Variants in JMJD1C observed in about 807,000 individuals in gnomAD.
JMJD1C encodes jumonji domain-containing protein 1C.
A neutral mutation model predicts 245.3 loss-of-function variants in JMJD1C; 31 were observed. That is an observed-to-expected ratio of 0.13 (90% confidence interval 0.09 to 0.17). The LOEUF (loss-of-function observed/expected upper bound fraction) is 0.17, where lower values mean the gene tolerates loss of function less well. JMJD1C is among the 10% of genes least tolerant of loss of function. The pLI is 1.00. For missense variants in JMJD1C, 2,691 were observed against 3,000.2 expected (o/e 0.90, Z 2.41); for synonymous variants, 1,057 against 1,017.4 (o/e 1.04, Z -0.74).
Position 63,476,242 on chromosome 10 carries a change from T to TTA in JMJD1C, n.113+45494_113+45495dup, listed in dbSNP as rs531571930. On this transcript the variant is annotated intron_variant and non_coding_transcript_variant, in intron 1 of 3. Coordinates refer to the JMJD1C transcript ENST00000633035. ...ACAAATATATACATATATTTATTTATTATATATATATAAATAATTATATAT... is the reference window on the plus strand; with the variant it reads ...ACAAATATATACATATATTTATTTATTATATATATATATAAATAATTATATAT... 1.4e-3 allele frequency among the ~76,000 whole-genome samples: 210 copies of TTA among 147,476 alleles called. 5 individuals carry two copies. In the South Asian group the frequency reaches 0.041, roughly 29 times the overall value.
chr10:63,456,138 A>G (rs1207237420), intron 1 of JMJD1C, among the ~76,000 whole-genome samples: 2 of 152,114 alleles, frequency 1.3e-5, no homozygotes, highest in Non-Finnish European at 2.9e-5. Flanking sequence ...TGAACAATGT[A>G]AAGTAAAATG....
intron 1 of JMJD1C, among the ~76,000 whole-genome samples, chr10:63,410,868 GGTCTTA>G (rs995828766): frequency 2.0e-5 from 3 of 152,106 alleles, no homozygotes; most frequent in Non-Finnish European, 4.4e-5. Context: ...AGCATTTTCA[GGTCTTA>G]AGCACTAATC....
intron 1 of JMJD1C, among the ~76,000 whole-genome samples, chr10:63,481,395 A>C (rs1953824326): frequency 6.6e-6 from 1 of 152,210 alleles, no homozygotes; most frequent in Non-Finnish European, 1.5e-5. Flanking sequence ...TTATATCTTT[A>C]AAATAGTGGA....
intron 1 of JMJD1C, among the ~76,000 whole-genome samples, chr10:63,452,328 A>C (rs773519515): frequency 1.2e-4 from 19 of 152,376 alleles, no homozygotes; most frequent in South Asian, 4.1e-4. Flanking sequence ...GTGAACATGC[A>C]CATGAAAAGA....
At chr10:63,468,492 T>A (rs1431890908), upstream of JMJD1C, among the ~76,000 whole-genome samples, 3 of 152,232 alleles carry the variant, frequency 2.0e-5, no homozygotes, top group Non-Finnish European at 4.4e-5. Flanking sequence ...AACTTCAGAA[T>A]ATTTGTTTCT....
intron 10 of JMJD1C, chr10:63,204,657 GTATA>G: frequency 1.0e-6 from 1 of 985,362 alleles, no homozygotes; most frequent in African/African-American, 1.7e-5. Context: ...AAGCAACACT[GTATA>G]TAATCCAATA....
intron 2 of JMJD1C, among the ~76,000 whole-genome samples, chr10:63,300,964 A>G (rs975294909): frequency 6.6e-6 from 1 of 152,142 alleles, no homozygotes; most frequent in Non-Finnish European, 1.5e-5. Context: ...AGACCTTGGC[A>G]TATTTTCTCA....
chr10:63,349,193 G>T (rs1442998513), intron 2 of JMJD1C, among the ~76,000 whole-genome samples: 1 of 140,216 alleles, frequency 7.1e-6, no homozygotes, highest in Non-Finnish European at 1.5e-5. Flanking sequence ...GCTCCCCAAA[G>T]CCCTCACCAG....
intron 3 of JMJD1C, among the ~76,000 whole-genome samples, chr10:63,248,996 T>C (rs1227448355): frequency 2.0e-5 from 3 of 152,222 alleles, no homozygotes; most frequent in African/African-American, 7.2e-5. Flanking sequence ...TGATCACATG[T>C]TGTCACTGAT....
At chr10:63,228,495 T>C (rs559600191) in intron 3 of JMJD1C, among the ~76,000 whole-genome samples, 2 of 152,232 alleles carry the variant, frequency 1.3e-5, no homozygotes, top group South Asian at 4.1e-4. Flanking sequence ...TACTCCACCC[T>C]GGGTGACAGA....
intron 1 of JMJD1C, among the ~76,000 whole-genome samples, chr10:63,408,089 A>ACTC (rs1256230587): frequency 6.6e-6 from 1 of 152,002 alleles, no homozygotes; most frequent in Non-Finnish European, 1.5e-5. Flanking sequence ...CTGAAAAGCA[A>ACTC]CTCCTCAAAA....
At chr10:63,320,909 G>C (rs1265559108) in intron 2 of JMJD1C, among the ~76,000 whole-genome samples, 1 of 152,170 alleles carries the variant, frequency 6.6e-6, no homozygotes, top group Admixed American at 6.5e-5. Context: ...CATGTGTTTA[G>C]AGAGTTGGAA....
chr10:63,281,485 T>C (rs1489484995), intron 2 of JMJD1C, among the ~76,000 whole-genome samples: 1 of 134,342 alleles, frequency 7.4e-6, no homozygotes, highest in African/African-American at 3.0e-5. Flanking sequence ...TTTTTTTTTT[T>C]TTTGAGACGG....
chr10:63,180,101 AG>A (rs2132847797), intron 22 of JMJD1C, among the ~76,000 whole-genome samples: 1 of 152,188 alleles, frequency 6.6e-6, no homozygotes, highest in Non-Finnish European at 1.5e-5. Flanking sequence ...TCTGCCTCCC[AG>A]GTTCAAGCGA....
At position 63,398,647 on chromosome 10, in the gene JMJD1C, T is replaced by TAAA. The variant is rs1948660892; in HGVS notation, c.169-18166_169-18165insTTT. On this transcript the variant is annotated intron_variant, in intron 1 of 25. Coordinates refer to ENST00000399262, the MANE Select transcript of JMJD1C (RefSeq NM_032776.3). ...CATCATTTACTATCTGAAAAAAAAT[T>TAAA]TTTTTTTTTTTTTTGAGACAGACTC... 1.9e-3 allele frequency among the ~76,000 whole-genome samples: 280 copies of TAAA among 143,820 alleles called. 1 individual carries two copies. Among genetic ancestry groups the TAAA allele is most frequent in the East Asian group, 0.011 (55 of 4,984 alleles). The allele number at this position is 143,820 out of a possible 152,430, so 94.4% of individuals were successfully genotyped here.
At chr10:63,202,113 G>C (rs1846084181) in intron 10 of JMJD1C, among the ~76,000 whole-genome samples, 1 of 151,966 alleles carries the variant, frequency 6.6e-6, no homozygotes, top group Admixed American at 6.6e-5. Context: ...AATTAGCCAG[G>C]CGCGGTAGCA....
upstream of JMJD1C, among the ~76,000 whole-genome samples, chr10:63,468,739 A>T (rs1016150173): frequency 6.6e-6 from 1 of 152,208 alleles, no homozygotes; most frequent in Non-Finnish European, 1.5e-5. Context: ...CAAACCTCCT[A>T]CATCAAATAT....
At chr10:63,521,347 G>C (rs1338743673) in intron 1 of JMJD1C, 1 of 147,400 alleles carries the variant, frequency 6.8e-6, no homozygotes, top group African/African-American at 2.4e-5. Flanking sequence ...GCGGGCGGGG[G>C]CGGGCGGGGA....
intron 1 of JMJD1C, among the ~76,000 whole-genome samples, chr10:63,408,432 C>T (rs1275412738): frequency 6.6e-6 from 1 of 151,302 alleles, no homozygotes; most frequent in African/African-American, 2.4e-5. Context: ...AATCAATGTA[C>T]ATCTAGGAAA....
Sources: gnomAD v4.1 joint callset for allele counts (sites outside exome capture counted in the v4.1 genomes callset) on GRCh38, gnomAD v4.1.1 for gene constraint, MANE v1.5 for transcripts, NCBI Gene and HGNC (gene_info 2026-07-23, HGNC 2026-07-21) for gene names.